ACAP2: variants seen among roughly 807,000 people sequenced by gnomAD.
ACAP2 encodes ArfGAP with coiled-coil, ankyrin repeat and PH domains 2.
In ACAP2, 39 loss-of-function variants were observed where a neutral mutation model predicts 115.8. That is an observed-to-expected ratio of 0.34 (90% CI 0.26 to 0.44). The LOEUF (loss-of-function observed/expected upper bound fraction) is 0.44. Ranked by LOEUF, ACAP2 falls within the 20% of genes least tolerant of loss-of-function variation. The pLI, the probability that ACAP2 is intolerant of heterozygous loss-of-function variation, is 1.00. For missense variants in ACAP2, 662 were observed against 927.6 expected (o/e 0.71, Z 3.72); for synonymous variants, 289 against 315.8 (o/e 0.92, Z 0.90).
At chr3:195,414,273 C>T (rs1158609161) in intron 1 of ACAP2, among the ~76,000 whole-genome samples, 3 of 152,142 alleles carry the variant, frequency 2.0e-5, no homozygotes, top group Non-Finnish European at 4.4e-5. Flanking sequence ...AAAAGAAATA[C>T]ATACTTTTTA....
intron 4 of ACAP2, among the ~76,000 whole-genome samples, chr3:195,348,437 C>G (rs995856349): frequency 6.6e-6 from 1 of 151,924 alleles, no homozygotes; most frequent in South Asian, 2.1e-4. Flanking sequence ...GTAGAAAGAA[C>G]AGTACTTCTA....
chr3:195,434,106 T>C (rs2108865245), intron 1 of ACAP2, among the ~76,000 whole-genome samples: 1 of 152,308 alleles, frequency 6.6e-6, no homozygotes, highest in Non-Finnish European at 1.5e-5. Flanking sequence ...TTTTTAATTT[T>C]TTTATAGAGA....
intron 4 of ACAP2, among the ~76,000 whole-genome samples, chr3:195,360,115 A>T (rs745440323): frequency 7.2e-5 from 11 of 152,210 alleles, no homozygotes; most frequent in Non-Finnish European, 1.2e-4. Context: ...AAGACGCAAT[A>T]ATCTGTTGCT....
At chr3:195,331,316 C>T (rs1730151004) in intron 8 of ACAP2, among the ~76,000 whole-genome samples, 1 of 151,028 alleles carries the variant, frequency 6.6e-6, no homozygotes, top group Admixed American at 6.6e-5. Flanking sequence ...TTACCTTTTT[C>T]CTTAAACTCA....
chr3:195,356,741 G>C (rs949536545), intron 4 of ACAP2, among the ~76,000 whole-genome samples: 46 of 151,988 alleles, frequency 3.0e-4, no homozygotes, highest in Non-Finnish European at 5.1e-4. Flanking sequence ...GGGCCAGAAG[G>C]AACCTGAAGG....
At chr3:195,296,000 A>G (rs1727635645) in intron 16 of ACAP2, 108 bp from the exon 17 acceptor site, 1 of 841,416 alleles carries the variant, frequency 1.2e-6, no homozygotes, top group African/African-American at 1.7e-5. Context: ...ACTGAATGTA[A>G]TACTGGTTAA....
At chr3:195,437,905 T>C (rs1225481020) in intron 1 of ACAP2, among the ~76,000 whole-genome samples, 11 of 145,406 alleles carry the variant, frequency 7.6e-5, no homozygotes, top group South Asian at 2.1e-4. Flanking sequence ...TTTTTTTTTT[T>C]CATTAAAATT....
At chr3:195,318,448 G>A (rs992009833) in intron 10 of ACAP2, among the ~76,000 whole-genome samples, 2 of 152,168 alleles carry the variant, frequency 1.3e-5, no homozygotes, top group African/African-American at 4.8e-5. Context: ...ATGCTGATAC[G>A]GATATGGACA....
At chr3:195,359,814 C>T (rs1453081883) in intron 4 of ACAP2, among the ~76,000 whole-genome samples, 2 of 152,112 alleles carry the variant, frequency 1.3e-5, no homozygotes, top group African/African-American at 4.8e-5. Context: ...CTTGTTTATG[C>T]AATCAGTGTT....
At chr3:195,293,295 C>A (rs371508709) in intron 18 of ACAP2, among the ~76,000 whole-genome samples, 15 of 152,320 alleles carry the variant, frequency 9.8e-5, no homozygotes, top group African/African-American at 3.6e-4. Context: ...ACAAGCACTT[C>A]AAATAATTTG....
At chr3:195,395,582 G>A (rs1711692914) in intron 1 of ACAP2, among the ~76,000 whole-genome samples, 1 of 152,224 alleles carries the variant, frequency 6.6e-6, no homozygotes. Context: ...TACGGAAGCA[G>A]AGACAAGTTA....
At chr3:195,321,601 T>C (rs1037572871) in intron 9 of ACAP2, among the ~76,000 whole-genome samples, 1 of 136,180 alleles carries the variant, frequency 7.3e-6, no homozygotes, top group South Asian at 2.5e-4. Context: ...ATTACTACCA[T>C]GGTAGTTCCT....
At chr3:195,291,883 T>A in intron 19 of ACAP2, 68 bp from the exon 20 acceptor site, 3 of 1,363,610 alleles carry the variant, frequency 2.2e-6, no homozygotes, top group Non-Finnish European at 3.0e-6. Flanking sequence ...CATTTCTTTT[T>A]AAAAACAATT....
chr3:195,277,703 T>C lies in ACAP2; in HGVS notation c.*1625A>G, dbSNP rs1267809792. On this transcript the variant is annotated 3_prime_UTR_variant, in exon 23 of 23. Coordinates refer to ENST00000326793, the MANE Select transcript of ACAP2 (RefSeq NM_012287.6). ...TTTTATATATTTTAAAACCTCTTAT[T>C]TAGAAAGAGTATCAATAATATCATT... 6.6e-6 allele frequency: 1 copy of C among 152,190 alleles called. No homozygotes were observed. The highest frequency in any genetic ancestry group is 1.5e-5 in the Non-Finnish European group (1 of 68,042). 9.4% of individuals were successfully genotyped at this position (152,190 alleles called of 1,614,324 possible). A position where few individuals can be genotyped will look rare whatever the true frequency, so the allele number is the denominator to read the frequency against.
intron 21 of ACAP2, 27 bp downstream of exon 21, chr3:195,289,094 A>G: frequency 6.4e-7 from 1 of 1,563,224 alleles, no homozygotes; most frequent in South Asian, 1.1e-5. Flanking sequence ...CTGTATGGAA[A>G]TAGTCAAGTA....
At chr3:195,396,814 A>AG (rs61028761) in intron 1 of ACAP2, among the ~76,000 whole-genome samples, 2 of 147,360 alleles carry the variant, frequency 1.4e-5, no homozygotes, top group Non-Finnish European at 3.0e-5. Context: ...AAAAAAAAAA[A>AG]GAAGAAGTAT....
chr3:195,434,703 C>A (rs1029510500), intron 1 of ACAP2, among the ~76,000 whole-genome samples: 14 of 152,200 alleles, frequency 9.2e-5, no homozygotes, highest in Non-Finnish European at 8.8e-5. Flanking sequence ...ATAGAATTCA[C>A]CAGTGAAGTC....
chr3:195,326,999 A>G (rs766821021), intron 8 of ACAP2, 40 bp from the exon 9 acceptor site: 1 of 1,537,576 alleles, frequency 6.5e-7, no homozygotes, highest in African/African-American at 1.4e-5. Context: ...ACTTAAAAAA[A>G]GTATGGATTA....
chr3:195,294,903 A>T, intron 17 of ACAP2, 92 bp from the exon 18 acceptor site: 1 of 729,026 alleles, frequency 1.4e-6, no homozygotes, highest in Non-Finnish European at 2.3e-6. Context: ...GCTCTTACAC[A>T]TCAACATGAA....
Sources: allele counts gnomAD v4.1 joint callset (sites outside exome capture counted in the v4.1 genomes callset), GRCh38; gene constraint gnomAD v4.1.1; transcripts MANE v1.5; gene names NCBI Gene and HGNC (gene_info 2026-07-23, HGNC 2026-07-21).